NPAS3: variants seen among roughly 807,000 people sequenced by gnomAD.
NPAS3 encodes neuronal PAS domain protein 3, also known as neuronal PAS domain-containing protein 3.
NPAS3 carries 14 observed loss-of-function variants against 73.1 expected under a neutral mutation model. The observed-to-expected ratio is 0.19, with a 90% CI of 0.13 to 0.30. The LOEUF is 0.30. NPAS3 is among the 10% of genes least tolerant of loss of function. NPAS3 has a pLI of 1.00. For missense variants in NPAS3, 1,096 were observed against 1,250.0 expected (o/e 0.88, Z 1.86); for synonymous variants, 620 against 541.5 (o/e 1.14, Z -2.01).
chr14:33,515,806 C>G (rs1839336689), intron 4 of NPAS3, among the ~76,000 whole-genome samples: 1 of 152,086 alleles, frequency 6.6e-6, no homozygotes, highest in Non-Finnish European at 1.5e-5. Context: ...GATCTTGTCC[C>G]TCTTAACACC....
intron 6 of NPAS3, among the ~76,000 whole-genome samples, chr14:33,697,097 A>G (rs1380615075): frequency 6.6e-6 from 1 of 152,212 alleles, no homozygotes; most frequent in South Asian, 2.1e-4. Flanking sequence ...CTGTTGGCCT[A>G]TTCTAGGTCT....
At chr14:33,388,994 T>C (rs1349161622) in intron 4 of NPAS3, among the ~76,000 whole-genome samples, 2 of 152,312 alleles carry the variant, frequency 1.3e-5, no homozygotes, top group East Asian at 3.9e-4. Context: ...CTCACCTTTG[T>C]GGCGTGCACT....
intron 1 of NPAS3, among the ~76,000 whole-genome samples, chr14:33,009,708 C>T (rs1477845115): frequency 6.6e-6 from 1 of 152,144 alleles, no homozygotes; most frequent in African/African-American, 2.4e-5. Flanking sequence ...CATAGTACCA[C>T]TTTTTCTTCA....
chr14:33,327,705 G>A (rs982048006), intron 3 of NPAS3, among the ~76,000 whole-genome samples: 2 of 152,026 alleles, frequency 1.3e-5, no homozygotes, highest in African/African-American at 2.4e-5. Context: ...GAGATGAGAG[G>A]GCTGTTATTG....
At chr14:33,698,740 CT>C (rs2060453269) in intron 6 of NPAS3, among the ~76,000 whole-genome samples, 1 of 152,118 alleles carries the variant, frequency 6.6e-6, no homozygotes, top group Non-Finnish European at 1.5e-5. Flanking sequence ...TAAAATAATC[CT>C]TTGCACAAAG....
chr14:33,395,328 C>G (rs1288917085), intron 4 of NPAS3, among the ~76,000 whole-genome samples: 2 of 151,784 alleles, frequency 1.3e-5, no homozygotes, highest in African/African-American at 4.8e-5. Context: ...ATATCAGAAG[C>G]ATAGCTGTTA....
intron 4 of NPAS3, among the ~76,000 whole-genome samples, chr14:33,439,631 T>A (rs2049147785): frequency 6.6e-6 from 1 of 152,142 alleles, no homozygotes; most frequent in African/African-American, 2.4e-5. Context: ...AATGAAACAT[T>A]TAAAAATGAT....
At chr14:33,595,756 C>T (rs938541375) in intron 5 of NPAS3, among the ~76,000 whole-genome samples, 9 of 152,160 alleles carry the variant, frequency 5.9e-5, no homozygotes, top group Admixed American at 2.0e-4. Flanking sequence ...CTGCAAGATC[C>T]GCCGCCCGGG....
rs563579861 is a variant in NPAS3, at chr14:33,226,187, G to C, written c.385+10761G>C. Among the ~76,000 whole-genome samples, 71 of 152,250 alleles carry C rather than the reference G, an allele frequency of 4.7e-4. 1 individual carries two copies. The highest frequency in any genetic ancestry group is 1.7e-3 in the African/African-American group (69 of 41,560). On this transcript the variant is annotated intron_variant, in intron 3 of 11. Transcript: ENST00000356141. ...AATATAGCAAATGATCCAGACTAAG[G>C]CTATTCACATAGTCTTTTTAAATGC...
intron 6 of NPAS3, among the ~76,000 whole-genome samples, chr14:33,684,381 G>A (rs543352570): frequency 2.0e-5 from 3 of 151,728 alleles, no homozygotes; most frequent in Admixed American, 1.3e-4. Flanking sequence ...GCACAATCTC[G>A]GCTCACTACA....
At chr14:33,790,575 G>A (rs1441366315) in intron 9 of NPAS3, among the ~76,000 whole-genome samples, 9 of 151,174 alleles carry the variant, frequency 6.0e-5, no homozygotes, top group Admixed American at 5.9e-4. Context: ...TCCAAGGAAA[G>A]AAGCTTCATC....
intron 1 of NPAS3, among the ~76,000 whole-genome samples, chr14:32,949,179 A>T (rs976629790): frequency 6.6e-6 from 1 of 152,098 alleles, no homozygotes; most frequent in Non-Finnish European, 1.5e-5. Context: ...ATATTTCCAG[A>T]CAGGGACACT....
chr14:33,793,438 G>A (rs911513906), intron 9 of NPAS3, among the ~76,000 whole-genome samples: 7 of 152,190 alleles, frequency 4.6e-5, no homozygotes, highest in Non-Finnish European at 2.9e-5. Context: ...TTGCTCACAC[G>A]GAGGAGAAAC....
At chr14:33,694,445 T>C (rs1278076746) in intron 6 of NPAS3, among the ~76,000 whole-genome samples, 1 of 152,186 alleles carries the variant, frequency 6.6e-6, no homozygotes, top group Non-Finnish European at 1.5e-5. Flanking sequence ...GGAACCTGCG[T>C]ATAACATTTC....
At chr14:33,167,428 T>TAC (rs201795728) in intron 2 of NPAS3, among the ~76,000 whole-genome samples, 6 of 151,616 alleles carry the variant, frequency 4.0e-5, no homozygotes, top group African/African-American at 7.3e-5. Flanking sequence ...GACACACACA[T>TAC]ACACACACAC....
At chr14:33,091,321 C>G (rs2138810597) in intron 2 of NPAS3, among the ~76,000 whole-genome samples, 1 of 152,166 alleles carries the variant, frequency 6.6e-6, no homozygotes, top group Non-Finnish European at 1.5e-5. Flanking sequence ...ACCACCGATC[C>G]CACAGAAATA....
intron 9 of NPAS3, among the ~76,000 whole-genome samples, chr14:33,783,070 T>G (rs1305176032): frequency 6.6e-6 from 1 of 152,178 alleles, no homozygotes; most frequent in South Asian, 2.1e-4. Context: ...CCAGCTCATT[T>G]TTTTCCACAA....
intron 4 of NPAS3, among the ~76,000 whole-genome samples, chr14:33,406,882 G>A (rs555042748): frequency 2.6e-4 from 39 of 152,208 alleles, no homozygotes; most frequent in African/African-American, 9.4e-4. Flanking sequence ...TAGCTTAACA[G>A]TAAACCACTG....
chr14:33,718,057 A>G (rs183191776), intron 6 of NPAS3, among the ~76,000 whole-genome samples: 179 of 151,708 alleles, frequency 1.2e-3, no homozygotes, highest in African/African-American at 4.0e-3. Flanking sequence ...CCAGTTTTGC[A>G]GGCCTGGGGA....
Sources: gnomAD v4.1 joint callset for allele counts (sites outside exome capture counted in the v4.1 genomes callset) on GRCh38, gnomAD v4.1.1 for gene constraint, MANE v1.5 for transcripts, NCBI Gene and HGNC (gene_info 2026-07-23, HGNC 2026-07-21) for gene names.